The following RTN1 variants were observed in gnomAD, a reference collection of about 807,000 sequenced individuals.
The protein encoded by RTN1 is reticulon-1.
Under a neutral mutation model 65.5 loss-of-function variants are expected in RTN1, and 25 were observed. That is an observed-to-expected ratio of 0.38 (90% CI 0.28 to 0.53). The LOEUF (loss-of-function observed/expected upper bound fraction) is 0.53. Among genes scored for constraint, RTN1 ranks in the 20% least tolerant of loss-of-function variants. RTN1 has a pLI of 0.79. For missense variants in RTN1, 983 were observed against 1,025.4 expected (o/e 0.96, Z 0.57); for synonymous variants, 471 against 447.6 (o/e 1.05, Z -0.66).
At chr14:59,597,308 A>G (rs1244234752) in intron 8 of RTN1, among the ~76,000 whole-genome samples, 1 of 152,222 alleles carries the variant, frequency 6.6e-6, no homozygotes, top group Non-Finnish European at 1.5e-5. Flanking sequence ...CAGCTATTCT[A>G]TTAATTAGCT....
intron 3 of RTN1, among the ~76,000 whole-genome samples, chr14:59,675,954 ACT>A (rs1883618230): frequency 6.6e-6 from 1 of 151,572 alleles, no homozygotes; most frequent in African/African-American, 2.4e-5. Flanking sequence ...CTCCAAGACA[ACT>A]CTCTGATAAC....
intron 3 of RTN1, among the ~76,000 whole-genome samples, chr14:59,681,249 T>C (rs903649448): frequency 1.5e-4 from 23 of 152,160 alleles, no homozygotes; most frequent in Admixed American, 3.9e-4. Context: ...GAACAATTCT[T>C]AATTTAGACA....
At chr14:59,659,967 C>T (rs1191661961) in intron 3 of RTN1, among the ~76,000 whole-genome samples, 3 of 152,060 alleles carry the variant, frequency 2.0e-5, no homozygotes, top group South Asian at 2.1e-4. Flanking sequence ...AGAGTCGAAA[C>T]CCATCACTGT....
intron 3 of RTN1, among the ~76,000 whole-genome samples, chr14:59,670,665 C>CTGTGTGTGT (rs1883483242): frequency 6.6e-6 from 1 of 152,090 alleles, no homozygotes; most frequent in Admixed American, 6.5e-5. Flanking sequence ...TGTGTCAGTA[C>CTGTGTGTGT]CTCCATAGCA....
chr14:59,672,113 G>A (rs1883517204), intron 3 of RTN1, among the ~76,000 whole-genome samples: 1 of 152,126 alleles, frequency 6.6e-6, no homozygotes, highest in Non-Finnish European at 1.5e-5. Context: ...TACAGGCAGG[G>A]AAGAGTGCCC....
intron 4 of RTN1, among the ~76,000 whole-genome samples, chr14:59,606,323 T>G (rs1330091712): frequency 2.0e-5 from 3 of 151,880 alleles, no homozygotes; most frequent in African/African-American, 7.3e-5. Flanking sequence ...GCTTGAGTTT[T>G]CAGGAGTGTT....
At chr14:59,681,769 C>T (rs1883749788) in intron 3 of RTN1, among the ~76,000 whole-genome samples, 1 of 152,186 alleles carries the variant, frequency 6.6e-6, no homozygotes, top group South Asian at 2.1e-4. Flanking sequence ...CCTTCTTTTT[C>T]ATCCAGCTAA....
intron 1 of RTN1, among the ~76,000 whole-genome samples, chr14:59,772,530 C>T (rs1885977613): frequency 1.3e-5 from 2 of 151,516 alleles, no homozygotes; most frequent in Non-Finnish European, 2.9e-5. Context: ...CTCTTTCTCC[C>T]CAATATTAAA....
In RTN1 at chr14:59,727,776, C is replaced by A. The variant is rs1205317696; in HGVS notation, c.1016-108G>T. On this transcript the variant is annotated intron_variant, in intron 2 of 8. Coordinates refer to ENST00000267484, the MANE Select transcript of RTN1 (RefSeq NM_021136.3). The surrounding 1 kb of genome is among the most constrained non-coding windows in gnomAD (Gnocchi z 4.2). ...AATTCCATTAGGCGAGATGTTTTGTCGTTGCTTGAGAAACACATATCTCAT... is the reference window on the plus strand; with the variant it reads ...AATTCCATTAGGCGAGATGTTTTGTAGTTGCTTGAGAAACACATATCTCAT... 6.4e-6 allele frequency: 9 copies of A among 1,407,488 alleles called. No individual in the cohort carries two copies. The highest frequency in any genetic ancestry group is 1.5e-5 in the South Asian group (1 of 67,144). The allele number at this position is 1,407,488 out of a possible 1,614,324, so 87.2% of individuals were successfully genotyped here.
intron 3 of RTN1, among the ~76,000 whole-genome samples, chr14:59,652,949 G>C (rs371081867): frequency 8.5e-5 from 13 of 152,158 alleles, no homozygotes; most frequent in African/African-American, 2.9e-4. Context: ...GGGTATTAAT[G>C]TAGGTATAAT....
At chr14:59,695,754 T>C (rs1276209001) in intron 3 of RTN1, among the ~76,000 whole-genome samples, 1 of 152,170 alleles carries the variant, frequency 6.6e-6, no homozygotes, top group East Asian at 1.9e-4. Context: ...ATTTTTCCAA[T>C]AAATATTATC....
At chr14:59,744,617 T>A (rs1441053640) in intron 2 of RTN1, among the ~76,000 whole-genome samples, 2 of 152,146 alleles carry the variant, frequency 1.3e-5, no homozygotes. Context: ...AAAATAAAAT[T>A]ATATGCAGAA....
chr14:59,759,075 A>G (rs965626100), intron 1 of RTN1, among the ~76,000 whole-genome samples: 4 of 152,184 alleles, frequency 2.6e-5, no homozygotes, highest in Non-Finnish European at 1.5e-5. Flanking sequence ...GACAGGTCCC[A>G]TATGGCACAT....
intron 5 of RTN1, chr14:59,605,080 T>C (rs902979683): frequency 1.3e-5 from 3 of 234,152 alleles, no homozygotes; most frequent in African/African-American, 6.7e-5. Flanking sequence ...GGAGACAATC[T>C]GGTGTGTTGT....
intron 3 of RTN1, among the ~76,000 whole-genome samples, chr14:59,712,834 C>A (rs972255625): frequency 1.2e-4 from 18 of 151,140 alleles, no homozygotes; most frequent in Admixed American, 1.2e-3. Context: ...CTGCTTGAAC[C>A]TGGGAGGTGG....
At chr14:59,789,081 A>C (rs1232296964) in intron 1 of RTN1, among the ~76,000 whole-genome samples, 2 of 152,170 alleles carry the variant, frequency 1.3e-5, no homozygotes, top group South Asian at 2.1e-4. Flanking sequence ...ATTATCATTA[A>C]AAGTATGTTC....
chr14:59,804,404 G>A (rs1886599747), intron 1 of RTN1, among the ~76,000 whole-genome samples: 1 of 152,114 alleles, frequency 6.6e-6, no homozygotes, highest in African/African-American at 2.4e-5. Flanking sequence ...CTGAGGTAGT[G>A]TTCTCCTGGT....
chr14:59,833,891 T>A (rs2139644591), intron 1 of RTN1, among the ~76,000 whole-genome samples: 1 of 152,312 alleles, frequency 6.6e-6, no homozygotes, highest in South Asian at 2.1e-4. Flanking sequence ...CAACCAATAA[T>A]TCAGAATTTT....
chr14:59,697,762 G>C (rs1445669918), intron 3 of RTN1, among the ~76,000 whole-genome samples: 1 of 152,170 alleles, frequency 6.6e-6, no homozygotes. Flanking sequence ...CTTAACACAA[G>C]TCAACAGCGT....
Sources: gnomAD v4.1 joint callset for allele counts (sites outside exome capture counted in the v4.1 genomes callset) on GRCh38, gnomAD v4.1.1 for gene constraint, Gnocchi (gnomAD v3.1) non-coding constraint, MANE v1.5 for transcripts, NCBI Gene and HGNC (gene_info 2026-07-23, HGNC 2026-07-21) for gene names.